Variants in IGHMBP2 observed in about 807,000 individuals in gnomAD.
IGHMBP2 encodes the protein DNA-binding protein SMUBP-2.
IGHMBP2 carries 81 observed loss-of-function variants against 96.0 expected under a neutral mutation model. The observed-to-expected ratio is 0.84, with a 90% CI of 0.71 to 1.01. The LOEUF (loss-of-function observed/expected upper bound fraction) is 1.01. Ranked by LOEUF, IGHMBP2 falls within the 50% of genes least tolerant of loss-of-function variation. IGHMBP2 has a pLI of 0.00. For synonymous variants in IGHMBP2, 557 were observed against 548.9 expected (o/e 1.01, Z -0.21); for missense variants, 1,227 against 1,306.3 (o/e 0.94, Z 0.94).
intron 6 of IGHMBP2, among the ~76,000 whole-genome samples, chr11:68,916,050 T>G (rs1858654585): frequency 6.6e-6 from 1 of 151,612 alleles, no homozygotes; most frequent in African/African-American, 2.4e-5. Flanking sequence ...GGCGGGCACC[T>G]GTATTCCCAG....
Position 68,938,168 on chromosome 11 carries a change from C to T in IGHMBP2, c.2612-14C>T, listed in dbSNP as rs200940488. The T allele has an allele frequency of 1.7e-4, 267 of 1,613,856 alleles. No homozygotes were observed. Among genetic ancestry groups the T allele is most frequent in the Non-Finnish European group, 2.0e-4 (232 of 1,179,916 alleles). ...TGTCTTTCCGTTTGCCTGAGTGACG[C>T]GGGTCTTCTCCAGGACATCCGGCCA... On this transcript the variant is annotated splice_polypyrimidine_tract_variant and intron_variant, in intron 13 of 14. Transcript: ENST00000255078.
At chr11:68,905,564 T>G (rs1469471061) in intron 1 of IGHMBP2, among the ~76,000 whole-genome samples, 1 of 152,076 alleles carries the variant, frequency 6.6e-6, no homozygotes, top group Non-Finnish European at 1.5e-5. Flanking sequence ...TAGTCTTCTG[T>G]TCTGTGTATG....
intron 1 of IGHMBP2, among the ~76,000 whole-genome samples, 168 bp from the exon 2 acceptor site, chr11:68,905,901 T>C (rs1293637179): frequency 2.6e-5 from 4 of 152,150 alleles, no homozygotes; most frequent in African/African-American, 9.7e-5. Context: ...CCTAGGGGGA[T>C]GTAGGAGGAG....
At chr11:68,934,251 G>T (rs756238254) in intron 10 of IGHMBP2, 10 of 651,206 alleles carry the variant, frequency 1.5e-5, no homozygotes, top group Non-Finnish European at 2.5e-5. Flanking sequence ...GGCCATAGGA[G>T]TCAAAAGGCC....
At position 68,939,755 on chromosome 11, in the gene IGHMBP2, G is replaced by T. The variant is rs377522095; in HGVS notation, c.*24G>T. 117 of 1,586,104 alleles carry T rather than the reference G, an allele frequency of 7.4e-5. No individual in the cohort carries two copies. Among genetic ancestry groups the T allele is most frequent in the Non-Finnish European group, 9.8e-5 (114 of 1,166,820 alleles). ...GACCGGCCGCATCCTTGCACGCCCC[G>T]CGGAGCTCTCTCCATGGTAGCCCAG... On this transcript the variant is annotated 3_prime_UTR_variant, in exon 15 of 15. Coordinates refer to ENST00000255078, the MANE Select transcript of IGHMBP2 (RefSeq NM_002180.3).
intron 7 of IGHMBP2, 143 bp from the exon 8 acceptor site, chr11:68,929,040 T>G (rs1441369654): frequency 1.2e-6 from 1 of 842,716 alleles, no homozygotes; most frequent in Non-Finnish European, 2.0e-6. Context: ...GGCCAAGTTT[T>G]TATTACAAGA....
chr11:68,937,901 C>CCCCTG, intron 13 of IGHMBP2: 1 of 481,050 alleles, frequency 2.1e-6, no homozygotes, highest in Admixed American at 3.3e-5. Context: ...AGGACTGATG[C>CCCCTG]CACCCCTGCC....
rs1205642845 is a variant in IGHMBP2, at chr11:68,936,836, G to A, written c.2356G>A (p.Ala786Thr). The A allele has an allele frequency of 6.2e-7, 1 of 1,613,580 alleles. No individual in the cohort carries two copies. ...GAGGTTCATCACTGTGAGCAAGAGG[G>A]CCCCGCGACCCCGAGCAGCCCTGGG... ...KRRFITVSKR[A>T]PRPRAALGPP... The change falls in exon 13 of 15, where the codon GCC becomes ACC. Residue 786 changes from alanine to threonine, a missense_variant. Physicochemically the swap from Ala to Thr is moderately conservative, Grantham distance 58. Transcript: ENST00000255078.
At chr11:68,937,414 C>T (rs192565168) in intron 13 of IGHMBP2, among the ~76,000 whole-genome samples, 226 of 152,306 alleles carry the variant, frequency 1.5e-3, no homozygotes, top group African/African-American at 5.0e-3. Flanking sequence ...GGGAATGGAG[C>T]GATCACGGGG....
At chr11:68,907,499 G>A (rs1858248274) in intron 2 of IGHMBP2, among the ~76,000 whole-genome samples, 1 of 152,196 alleles carries the variant, frequency 6.6e-6, no homozygotes, top group African/African-American at 2.4e-5. Context: ...AGCCTTGGAA[G>A]CCTGGAGGAA....
At position 68,933,739 on chromosome 11, in the gene IGHMBP2, G is replaced by T. The variant is rs562465019; in HGVS notation, c.1419-56G>T. ...GGGAGGGGTCGGTTCTGTTGGGTGG[G>T]GCCTCAGTGCTGCACTGTGGCCCCC... On this transcript the variant is annotated intron_variant, in intron 9 of 14. Transcript: ENST00000255078. 29 of 1,384,094 alleles carry T rather than the reference G, an allele frequency of 2.1e-5. No individual in the cohort carries two copies. In the African/African-American group the frequency reaches 3.7e-4, roughly 18 times the overall value. 85.7% of individuals were successfully genotyped at this position (1,384,094 alleles called of 1,614,324 possible).
At chr11:68,908,663 A>G (rs1251770675) in intron 4 of IGHMBP2, 32 bp downstream of exon 4, 1 of 1,415,422 alleles carries the variant, frequency 7.1e-7, no homozygotes, top group Admixed American at 1.7e-5. Context: ...TTTTTGGTTG[A>G]AATCACTACT....
intron 14 of IGHMBP2, among the ~76,000 whole-genome samples, chr11:68,939,329 C>CA (rs1859662016): frequency 6.6e-6 from 1 of 152,144 alleles, no homozygotes. Flanking sequence ...CCTGTGTGCA[C>CA]ACTCGGGGGC....
chr11:68,936,152 G>T, intron 12 of IGHMBP2, 85 bp from the exon 13 acceptor site: 2 of 1,508,386 alleles, frequency 1.3e-6, no homozygotes, highest in Non-Finnish European at 1.8e-6. Context: ...TACACTTTTG[G>T]TGGTGGTTAC....
At chr11:68,934,352 G>A in intron 10 of IGHMBP2, 112 bp from the exon 11 acceptor site, 2 of 777,918 alleles carry the variant, frequency 2.6e-6, no homozygotes, top group Non-Finnish European at 4.5e-6. Flanking sequence ...AGCCACCTGA[G>A]TGGAGGATCA....
At chr11:68,913,490 T>A (rs1040666196) in intron 5 of IGHMBP2, among the ~76,000 whole-genome samples, 1 of 151,074 alleles carries the variant, frequency 6.6e-6, no homozygotes, top group African/African-American at 2.4e-5. Context: ...CACCTCCTCT[T>A]TTTTTTTTCC....
chr11:68,936,298 C>T lies in IGHMBP2; in HGVS notation c.1818C>T (p.Arg606=), dbSNP rs1859524012. 1 of 1,614,070 alleles carries T rather than the reference C, an allele frequency of 6.2e-7. No homozygotes were observed. The highest frequency in any genetic ancestry group is 1.3e-5 in the African/African-American group (1 of 74,936). ...RINVAVTRAR[R]HVAVICDSRT... is the part of the protein sequence containing the mutation. Reference sequence around the variant, plus strand: ...ACGTGGCTGTCACCCGTGCCCGACGCCACGTGGCGGTCATCTGTGACTCCC... The same window carrying T: ...ACGTGGCTGTCACCCGTGCCCGACGTCACGTGGCGGTCATCTGTGACTCCC... Residue 606 remains arginine, a synonymous_variant, in exon 13 of 15, where the codon CGC becomes CGT. Coordinates refer to ENST00000255078, the MANE Select transcript of IGHMBP2 (RefSeq NM_002180.3).
intron 12 of IGHMBP2, among the ~76,000 whole-genome samples, chr11:68,935,964 G>T (rs1360532181): frequency 6.6e-6 from 1 of 152,246 alleles, no homozygotes; most frequent in African/African-American, 2.4e-5. Context: ...GCCAGCTGCA[G>T]CCACACCCCA....
At chr11:68,932,820 G>A (rs1343524393) in intron 8 of IGHMBP2, 1 of 171,484 alleles carries the variant, frequency 5.8e-6, no homozygotes, top group Non-Finnish European at 1.3e-5. Context: ...TCAAGGTGTG[G>A]GTGGGGTTGC....
Sources: gnomAD v4.1 joint callset for allele counts (sites outside exome capture counted in the v4.1 genomes callset) on GRCh38, gnomAD v4.1.1 for gene constraint, MANE v1.5 for transcripts, NCBI Gene and HGNC (gene_info 2026-07-23, HGNC 2026-07-21) for gene names.